PCDH7: variants seen among roughly 807,000 people sequenced by gnomAD.
PCDH7 encodes protocadherin-7.
PCDH7 carries 17 observed loss-of-function variants against 58.9 expected under a neutral mutation model. The observed-to-expected ratio is 0.29, with a 90% CI of 0.20 to 0.43. PCDH7 has a LOEUF of 0.43. Ranked by LOEUF, PCDH7 falls within the 20% of genes least tolerant of loss-of-function variation. The pLI is 1.00. For missense variants in PCDH7, 1,274 were observed against 1,441.0 expected, an observed-to-expected ratio of 0.88 and a Z score of 1.88; for synonymous variants, 664 against 616.4, an observed-to-expected ratio of 1.08 and a Z score of -1.14.
intron 2 of PCDH7, among the ~76,000 whole-genome samples, chr4:30,925,492 A>G (rs180745759): frequency 6.6e-6 from 1 of 152,314 alleles, no homozygotes; most frequent in Non-Finnish European, 1.5e-5. Context: ...CATAAGCACA[A>G]TACCTAAAAT....
chr4:31,140,124 T>G (rs1002883926), intron 3 of PCDH7, among the ~76,000 whole-genome samples: 2 of 152,212 alleles, frequency 1.3e-5, no homozygotes, highest in Non-Finnish European at 2.9e-5. Context: ...ATGATTATAA[T>G]CTCTTATGAG....
chr4:30,938,270 G>A (rs903586274), intron 2 of PCDH7, among the ~76,000 whole-genome samples: 5 of 151,966 alleles, frequency 3.3e-5, no homozygotes, highest in African/African-American at 9.7e-5. Context: ...TAATATTTTT[G>A]TACTTCATTT....
chr4:31,003,751 C>CA (rs956087271), intron 3 of PCDH7, among the ~76,000 whole-genome samples: 76 of 151,804 alleles, frequency 5.0e-4, no homozygotes, highest in Non-Finnish European at 8.4e-4. Flanking sequence ...ACTAAAAATA[C>CA]AAAAAAATTA....
intron 2 of PCDH7, among the ~76,000 whole-genome samples, chr4:30,932,155 G>T (rs1744683723): frequency 1.3e-5 from 2 of 152,022 alleles, no homozygotes; most frequent in Non-Finnish European, 2.9e-5. Flanking sequence ...ATGTAAGTAG[G>T]TGTGCTTCAA....
At chr4:31,061,039 A>C (rs1350774202) in intron 3 of PCDH7, among the ~76,000 whole-genome samples, 2 of 151,824 alleles carry the variant, frequency 1.3e-5, no homozygotes, top group Non-Finnish European at 3.0e-5. Flanking sequence ...TCCAGGTTTT[A>C]ATAATTTCAA....
chr4:31,031,838 C>T (rs1287835761), intron 3 of PCDH7, among the ~76,000 whole-genome samples: 1 of 152,162 alleles, frequency 6.6e-6, no homozygotes, highest in East Asian at 1.9e-4. Flanking sequence ...TAAGAGATCA[C>T]TTCCTTAGAT....
At chr4:31,062,040 A>T (rs28437969) in intron 3 of PCDH7, among the ~76,000 whole-genome samples, 5,678 of 151,820 alleles carry the variant, frequency 0.037, 377 homozygotes, top group African/African-American at 0.13. Context: ...GTAACAGTGG[A>T]TTCTGCAACT....
chr4:30,795,186 G>A (rs921170325), intron 1 of PCDH7, among the ~76,000 whole-genome samples: 1 of 152,062 alleles, frequency 6.6e-6, no homozygotes, highest in Non-Finnish European at 1.5e-5. Context: ...TCACTATGTT[G>A]CCCAGGCTGG....
At chr4:31,078,602 T>G (rs1237040472) in intron 3 of PCDH7, among the ~76,000 whole-genome samples, 3 of 147,774 alleles carry the variant, frequency 2.0e-5, no homozygotes, top group African/African-American at 7.5e-5. Context: ...AGGGCTGGGA[T>G]CATAGGCAAG....
intron 3 of PCDH7, among the ~76,000 whole-genome samples, chr4:31,123,025 T>C (rs1322327388): frequency 6.6e-6 from 1 of 152,068 alleles, no homozygotes; most frequent in African/African-American, 2.4e-5. Flanking sequence ...TATAATTATT[T>C]TTCTAAGCTT....
chr4:30,853,110 C>T (rs1732991371), intron 1 of PCDH7, among the ~76,000 whole-genome samples: 1 of 152,162 alleles, frequency 6.6e-6, no homozygotes, highest in East Asian at 1.9e-4. Context: ...CAGTATTTGC[C>T]ATTTCTGGCT....
chr4:30,918,677 A>G (rs1378791560), intron 1 of PCDH7, among the ~76,000 whole-genome samples: 1 of 152,140 alleles, frequency 6.6e-6, no homozygotes, highest in East Asian at 1.9e-4. Flanking sequence ...TTCCTTTTGT[A>G]TTAAGATTCA....
intron 1 of PCDH7, among the ~76,000 whole-genome samples, chr4:30,773,852 TTA>T (rs1435775460): frequency 6.6e-6 from 1 of 152,084 alleles, no homozygotes; most frequent in East Asian, 1.9e-4. Flanking sequence ...GTGGTCAGAA[TTA>T]TGTCACACAG....
chr4:30,837,899 T>TTATATA (rs5857206), intron 1 of PCDH7, among the ~76,000 whole-genome samples: 1 of 146,146 alleles, frequency 6.8e-6, no homozygotes, highest in Non-Finnish European at 1.5e-5. Context: ...TATGTATATT[T>TTATATA]TATATATATA....
chr4:30,949,172 C>T (rs1747067844), intron 2 of PCDH7, among the ~76,000 whole-genome samples: 1 of 152,120 alleles, frequency 6.6e-6, no homozygotes, highest in Non-Finnish European at 1.5e-5. Context: ...TTTTACATTA[C>T]TTTTCTTCAT....
At chr4:30,899,024 GA>G (rs1016807227) in intron 1 of PCDH7, among the ~76,000 whole-genome samples, 5 of 150,570 alleles carry the variant, frequency 3.3e-5, no homozygotes, top group African/African-American at 7.3e-5. Context: ...ATGGAATATG[GA>G]AAAAAAAAGT....
chr4:31,045,130 G>A (rs982877082), intron 3 of PCDH7, among the ~76,000 whole-genome samples: 1 of 152,112 alleles, frequency 6.6e-6, no homozygotes, highest in Non-Finnish European at 1.5e-5. Flanking sequence ...GCATGGTGGT[G>A]ACACAGAAAT....
intron 3 of PCDH7, among the ~76,000 whole-genome samples, chr4:31,010,191 G>A (rs1272861656): frequency 1.3e-5 from 2 of 151,862 alleles, no homozygotes; most frequent in Non-Finnish European, 2.9e-5. Context: ...TTCATGTCTG[G>A]ATGAGCACCA....
chr4:30,741,123 A>G (rs1201999794), intron 1 of PCDH7, among the ~76,000 whole-genome samples: 4 of 152,192 alleles, frequency 2.6e-5, no homozygotes, highest in Non-Finnish European at 5.9e-5. Context: ...TTTAATACAT[A>G]TGATCTGAGT....
Sources: gnomAD v4.1 joint callset for allele counts (sites outside exome capture counted in the v4.1 genomes callset) on GRCh38, gnomAD v4.1.1 for gene constraint, MANE v1.5 for transcripts, NCBI Gene and HGNC (gene_info 2026-07-23, HGNC 2026-07-21) for gene names.